The following WBP11 variants were observed in gnomAD, a reference collection of about 807,000 sequenced individuals.
The protein encoded by WBP11 is WW domain binding protein 11, also known as WW domain-binding protein 11.
Under a neutral mutation model 66.7 loss-of-function variants are expected in WBP11, and 12 were observed. The ratio of observed to expected loss-of-function variants is 0.18; its 90% CI spans 0.12 to 0.29. The LOEUF is 0.29. Among genes scored for constraint, WBP11 ranks in the 10% least tolerant of loss-of-function variants. The pLI, the probability that WBP11 is intolerant of heterozygous loss-of-function variation, is 1.00. For synonymous variants in WBP11, 255 were observed against 273.8 expected, an observed-to-expected ratio of 0.93 and a Z score of 0.68; for missense variants, 555 against 818.3, an observed-to-expected ratio of 0.68 and a Z score of 3.93.
chr12:14,790,922 T>C (rs958347041), intron 9 of WBP11, among the ~76,000 whole-genome samples, 173 bp from the exon 10 acceptor site: 12 of 152,230 alleles, frequency 7.9e-5, no homozygotes, highest in African/African-American at 2.9e-4. Context: ...CTTATCTATG[T>C]TAATGCAGCA....
In WBP11 at chr12:14,801,414, TA is replaced by T; in HGVS notation, c.-32del. 6.2e-7 allele frequency: 1 copy of T among 1,604,136 alleles called. No individual in the cohort carries two copies. The highest frequency in any genetic ancestry group is 8.5e-7 in the Non-Finnish European group (1 of 1,174,586). Reference sequence around the variant, plus strand: ...CAATTTGTATGGTTTACTTGTTCATTAAAAAAAGAAAAACCTGTGAAGGTGA... The same window carrying T: ...CAATTTGTATGGTTTACTTGTTCATTAAAAAAGAAAAACCTGTGAAGGTGA... On this transcript the variant is annotated 5_prime_UTR_variant, in exon 2 of 12. Coordinates refer to ENST00000261167, the MANE Select transcript of WBP11 (RefSeq NM_016312.3).
chr12:14,795,325 T>C lies in WBP11; in HGVS notation c.388-221A>G, dbSNP rs186786900. On this transcript the variant is annotated intron_variant, in intron 5 of 11. Transcript: ENST00000261167. ...AACGTCAGAACCCAGCTGTTTTTTT[T>C]CTCCTCTTATCAGGTAATTCTTTTT... is the stretch of plus-strand genomic sequence containing the variant. Among the ~76,000 whole-genome samples the C allele has an allele frequency of 2.4e-4, 37 of 152,330 alleles. No homozygotes were observed. The East Asian group carries it at 3.7e-3, about 15-fold the overall frequency.
At position 14,785,890 on chromosome 12, in the gene WBP11, C is replaced by T. The variant is rs1431321217; in HGVS notation, c.*1175G>A. ...TCTCTAATGTAAAATGGGGAAAATA[C>T]CCAGAAAAGTTATCTATAGGGTTAA... is the stretch of plus-strand genomic sequence containing the variant. On this transcript the variant is annotated 3_prime_UTR_variant, in exon 12 of 12. Coordinates refer to ENST00000261167, the MANE Select transcript of WBP11 (RefSeq NM_016312.3). The T allele has an allele frequency of 6.6e-6, 1 of 152,046 alleles. No homozygotes were observed. The highest frequency in any genetic ancestry group is 1.5e-5 in the Non-Finnish European group (1 of 67,996). 9.4% of individuals were successfully genotyped at this position (152,046 alleles called of 1,614,324 possible). A position where few individuals can be genotyped will look rare whatever the true frequency, so the allele number is the denominator to read the frequency against.
intron 5 of WBP11, among the ~76,000 whole-genome samples, chr12:14,795,350 T>G (rs1441740491): frequency 6.6e-6 from 1 of 152,206 alleles, no homozygotes; most frequent in Non-Finnish European, 1.5e-5. Flanking sequence ...TAATTCTTTT[T>G]GGATGATTCG....
rs1949748357 is a variant in WBP11 at position 14,785,845 on chromosome 12, T to A, written c.*1220A>T. 6.6e-6 allele frequency: 1 copy of A among 152,156 alleles called. No individual in the cohort carries two copies. Among genetic ancestry groups the A allele is most frequent in the African/African-American group, 2.4e-5 (1 of 41,432 alleles). The allele number at this position is 152,156 out of a possible 1,614,324, so 9.4% of individuals were successfully genotyped here. On this transcript the variant is annotated 3_prime_UTR_variant, in exon 12 of 12. Transcript: ENST00000261167. The stretch of plus-strand genomic sequence containing the variant: ...TTTGGATCACTGGATAAATCACGAG[T>A]CCTTTTTAAGTTTCAATACTCTCTA...
chr12:14,793,058 C>G (rs905593244), intron 8 of WBP11, among the ~76,000 whole-genome samples: 1 of 151,856 alleles, frequency 6.6e-6, no homozygotes, highest in African/African-American at 2.4e-5. Flanking sequence ...TCTTAAGACA[C>G]AGCAGGAGAA....
chr12:14,799,839 C>CTGGTGGTTGA, intron 3 of WBP11, 111 bp from the exon 4 acceptor site: 1 of 975,980 alleles, frequency 1.0e-6, no homozygotes, highest in Non-Finnish European at 1.5e-6. Flanking sequence ...TCACTTGTTT[C>CTGGTGGTTGA]AACCACCAGA....
At chr12:14,789,908 G>T (rs2137230037) in intron 10 of WBP11, among the ~76,000 whole-genome samples, 1 of 152,330 alleles carries the variant, frequency 6.6e-6, no homozygotes, top group African/African-American at 2.4e-5. Context: ...ACAATAGGAT[G>T]AAGGACTAAA....
intron 11 of WBP11, among the ~76,000 whole-genome samples, 169 bp from the exon 12 acceptor site, chr12:14,787,667 A>T (rs541815601): frequency 5.4e-4 from 83 of 152,338 alleles, no homozygotes; most frequent in African/African-American, 1.8e-3. Context: ...ATATTTTATT[A>T]TAAAACAGTA....
At chr12:14,801,506 GA>G in intron 1 of WBP11, 78 bp from the exon 2 acceptor site, 20 of 907,380 alleles carry the variant, frequency 2.2e-5, no homozygotes, top group Non-Finnish European at 2.8e-5. Context: ...ACCAATCTCT[GA>G]AAAAAAATTC....
intron 1 of WBP11, among the ~76,000 whole-genome samples, chr12:14,802,857 C>A (rs926023855): frequency 6.6e-6 from 1 of 152,274 alleles, no homozygotes; most frequent in African/African-American, 2.4e-5. Context: ...TCTCCTCCCC[C>A]ACAAATGAAA....
chr12:14,801,023 C>A, intron 2 of WBP11: 1 of 473,452 alleles, frequency 2.1e-6, no homozygotes, highest in Non-Finnish European at 3.7e-6. Context: ...GAAGGAAAAA[C>A]ATAACATAAA....
At position 14,796,013 on chromosome 12, in the gene WBP11, A is replaced by G. The variant is rs569802099; in HGVS notation, c.387+794T>C. ...AAGTTTTGACAAATGCATATACCTC[A>G]TACTCCTTCCCAATCCATCTCTAAT... On this transcript the variant is annotated intron_variant, in intron 5 of 11. Transcript: ENST00000261167. The surrounding 1 kb of genome is among the most constrained non-coding windows in gnomAD (Gnocchi z 4.5). Among the ~76,000 whole-genome samples, 5 of 152,296 alleles carry G rather than the reference A, an allele frequency of 3.3e-5. No homozygotes were observed. Among genetic ancestry groups the G allele is most frequent in the African/African-American group, 1.2e-4 (5 of 41,546 alleles).
chr12:14,793,618 G>C, intron 8 of WBP11, 113 bp downstream of exon 8: 1 of 1,286,990 alleles, frequency 7.8e-7, no homozygotes, highest in Non-Finnish European at 1.1e-6. Flanking sequence ...ACACAGCTAT[G>C]ATCCCGACTT....
rs1026049375 is a variant in WBP11, at chr12:14,786,073, A to C, written c.*992T>G. ...CATTCATATTTTAATATAAAAGCAC[A>C]CCAAACCCACCAATTCAGAAAGGAA... On this transcript the variant is annotated 3_prime_UTR_variant, in exon 12 of 12. Coordinates refer to ENST00000261167, the MANE Select transcript of WBP11 (RefSeq NM_016312.3). The C allele has an allele frequency of 3.9e-5, 6 of 152,308 alleles. No homozygotes were observed. The highest frequency in any genetic ancestry group is 2.1e-4 in the South Asian group (1 of 4,826). The allele number at this position is 152,308 out of a possible 1,614,324, so 9.4% of individuals were successfully genotyped here. A position where few individuals can be genotyped will look rare whatever the true frequency, so the allele number is the denominator to read the frequency against.
rs1467037318 is a variant in WBP11, at chr12:14,790,459, G to C, written c.1306C>G (p.Pro436Ala). The C allele has an allele frequency of 6.2e-7, 1 of 1,613,522 alleles. No homozygotes were observed. Among genetic ancestry groups the C allele is most frequent in the Non-Finnish European group, 8.5e-7 (1 of 1,179,688 alleles). Residue 436 changes from proline (P) to alanine (A), a missense_variant, in exon 10 of 12, where the codon CCA becomes GCA. By Grantham distance (27) the Pro-to-Ala change is conservative. Transcript: ENST00000261167. The stretch of plus-strand genomic sequence containing the variant: ...TTCACATTATGTAAGTGTTTACCTG[G>C]AGGTGGACCAGGAGGAAGGCCTGTA... ...PPTGLPPGPP[P>A]GAPPFLRPPG...
rs761866849 is a variant in WBP11 at position 14,790,584 on chromosome 12, G to A, written c.1181C>T (p.Pro394Leu). 4.2e-5 allele frequency: 68 copies of A among 1,613,882 alleles called. No homozygotes were observed. The highest frequency in any genetic ancestry group is 5.1e-5 in the Non-Finnish European group (60 of 1,179,884). ...TATCTGAGAAGGAGGAACAGACTGC[G>A]GCGGAGCCTGCTGCTGTGAAGAAGC... ...STASSQQQAP[P>L]QSVPPSQIQA... Residue 394 changes from proline to leucine, a missense_variant, in exon 10 of 12, where the codon CCG becomes CTG. Pro to Leu is a moderately conservative substitution (Grantham distance 98, BLOSUM62 -3). This residue lies in a region of WBP11 where 230 missense variants were observed against 286.3 expected (regional missense o/e 0.80). Coordinates refer to ENST00000261167, the MANE Select transcript of WBP11 (RefSeq NM_016312.3).
intron 3 of WBP11, 46 bp from the exon 4 acceptor site, chr12:14,799,774 A>G: frequency 6.4e-7 from 1 of 1,562,918 alleles, no homozygotes; most frequent in South Asian, 1.1e-5. Flanking sequence ...GGCACTCAGG[A>G]GTTTTACTTC....
chr12:14,786,981 A>G lies in WBP11; in HGVS notation c.*84T>C. 1.5e-6 allele frequency: 2 copies of G among 1,316,178 alleles called. No individual in the cohort carries two copies. The highest frequency in any genetic ancestry group is 2.7e-5 in the Admixed American group (1 of 36,426). The allele number at this position is 1,316,178 out of a possible 1,614,324, so 81.5% of individuals were successfully genotyped here. A position where few individuals can be genotyped will look rare whatever the true frequency, so the allele number is the denominator to read the frequency against. On this transcript the variant is annotated 3_prime_UTR_variant, in exon 12 of 12. Coordinates refer to ENST00000261167, the MANE Select transcript of WBP11 (RefSeq NM_016312.3). The stretch of plus-strand genomic sequence containing the variant: ...TAGAAAATACCCTGACAATGGAAGC[A>G]GCTCTTTCATCTAAGTTTAATAAGA...
Sources: allele counts gnomAD v4.1 joint callset (sites outside exome capture counted in the v4.1 genomes callset), GRCh38; gene constraint gnomAD v4.1.1; regional missense constraint gnomAD v4.1.1; non-coding constraint Gnocchi (gnomAD v3.1); transcripts MANE v1.5; gene names NCBI Gene and HGNC (gene_info 2026-07-23, HGNC 2026-07-21).